Variants in GLRX observed in about 807,000 individuals in gnomAD.
GLRX encodes the protein glutaredoxin-1.
In GLRX, 9 loss-of-function variants were observed where a neutral mutation model predicts 11.1. That is an observed-to-expected ratio of 0.81 (90% CI 0.49 to 1.42). The LOEUF (loss-of-function observed/expected upper bound fraction) is 1.42, where lower values mean the gene tolerates loss of function less well. Ranked by LOEUF, GLRX falls within the 40% of genes most tolerant of loss-of-function variation. GLRX has a pLI of 0.00. For synonymous variants in GLRX, 49 were observed against 49.5 expected, an observed-to-expected ratio of 0.99 and a Z score of 0.04; for missense variants, 102 against 126.2, an observed-to-expected ratio of 0.81 and a Z score of 0.92.
chr5:95,820,364 A>C (rs1561467869), intron 1 of GLRX, among the ~76,000 whole-genome samples: 3 of 150,910 alleles, frequency 2.0e-5, no homozygotes, highest in Non-Finnish European at 3.0e-5. Context: ...AAAAAAAAAA[A>C]AAAAAAAAAA....
chr5:95,819,824 G>C (rs571417144), intron 1 of GLRX, among the ~76,000 whole-genome samples: 2 of 150,400 alleles, frequency 1.3e-5, no homozygotes, highest in Non-Finnish European at 3.0e-5. Context: ...GCGTGAACCC[G>C]GGAGGTGGAG....
chr5:95,815,523 C>G (rs1347231281), intron 2 of GLRX, among the ~76,000 whole-genome samples: 1 of 152,224 alleles, frequency 6.6e-6, no homozygotes, highest in Non-Finnish European at 1.5e-5. Context: ...ATAGATACCC[C>G]TCCAAGAACA....
chr5:95,814,430 A>AT (rs1746908096), intron 2 of GLRX, 41 bp from the exon 3 acceptor site: 1 of 152,688 alleles, frequency 6.5e-6, no homozygotes, highest in Admixed American at 6.5e-5. Flanking sequence ...CAGAGCAGTG[A>AT]TTTTCAAGGT....
chr5:95,822,352 C>T, intron 1 of GLRX, 104 bp downstream of exon 1: 1 of 849,850 alleles, frequency 1.2e-6, no homozygotes, highest in Non-Finnish European at 2.0e-6. Flanking sequence ...GCCCTCTGGA[C>T]GCCTTGAAGT....
intron 2 of GLRX, chr5:95,814,713 G>C (rs1444808389): frequency 6.6e-6 from 1 of 152,340 alleles, no homozygotes; most frequent in African/African-American, 2.4e-5. Context: ...TTGAGGGTCA[G>C]TGAGCGAATC....
chr5:95,820,284 G>C (rs1418258376), intron 1 of GLRX, among the ~76,000 whole-genome samples: 1 of 147,818 alleles, frequency 6.8e-6, no homozygotes, highest in African/African-American at 2.5e-5. Flanking sequence ...CCAGGAGTTC[G>C]AGGCTGCAGT....
intron 1 of GLRX, chr5:95,819,487 A>G (rs905827754): frequency 6.6e-6 from 1 of 152,226 alleles, no homozygotes; most frequent in Non-Finnish European, 1.5e-5. Context: ...AGGAGCTGTG[A>G]CTATAGCAAA....
chr5:95,819,981 G>A (rs879327907), intron 1 of GLRX, among the ~76,000 whole-genome samples: 6 of 149,518 alleles, frequency 4.0e-5, no homozygotes, highest in Non-Finnish European at 8.9e-5. Context: ...GATCAAACAT[G>A]CAGCTTTAAA....
At chr5:95,819,660 G>T (rs184742020) in intron 1 of GLRX, among the ~76,000 whole-genome samples, 1 of 152,188 alleles carries the variant, frequency 6.6e-6, no homozygotes, top group African/African-American at 2.4e-5. Context: ...AGCACTTTGG[G>T]AGGCTGAGGC....
At chr5:95,816,652 T>C in intron 1 of GLRX, 26 bp from the exon 2 acceptor site, 1 of 1,009,680 alleles carries the variant, frequency 9.9e-7, no homozygotes, top group Non-Finnish European at 1.6e-6. Flanking sequence ...ACCCAGGACA[T>C]TACTACATTA....
chr5:95,818,635 C>T (rs1747096876), intron 1 of GLRX: 2 of 152,382 alleles, frequency 1.3e-5, no homozygotes, highest in South Asian at 4.1e-4. Flanking sequence ...CTTCATCTGT[C>T]ACCTGAATAA....
chr5:95,822,437 C>A lies in GLRX; in HGVS notation c.207+19G>T. 2 of 1,590,028 alleles carry A rather than the reference C, an allele frequency of 1.3e-6. No individual in the cohort carries two copies. The highest frequency in any genetic ancestry group is 4.5e-5 in the East Asian group (2 of 44,780). The stretch of plus-strand genomic sequence containing the variant: ...GGCAATCCGGGAGCCTTTCCCTAGC[C>A]GTTTAAAATGAAACTCACCGTTCTT... On this transcript the variant is annotated intron_variant, in intron 1 of 2. Coordinates refer to ENST00000237858, the MANE Select transcript of GLRX (RefSeq NM_001118890.2).
rs1457877938 is a variant in GLRX, at chr5:95,814,240, A to G, written c.*156T>C. On this transcript the variant is annotated 3_prime_UTR_variant, in exon 3 of 3. Coordinates refer to ENST00000237858, the MANE Select transcript of GLRX (RefSeq NM_001118890.2). The stretch of plus-strand genomic sequence containing the variant: ...AGTGTTCAGGATTATCTGGATAGCC[A>G]TCTTAAATAACAGAGTGTTCCGCAT... 6.5e-6 allele frequency: 1 copy of G among 152,688 alleles called. No individual in the cohort carries two copies. Among genetic ancestry groups the G allele is most frequent in the African/African-American group, 2.4e-5 (1 of 41,472 alleles). The allele number at this position is 152,688 out of a possible 1,614,324, so 9.5% of individuals were successfully genotyped here.
intron 1 of GLRX, chr5:95,818,604 TACCTCCC>T (rs1331087439): frequency 6.6e-6 from 1 of 152,338 alleles, no homozygotes; most frequent in African/African-American, 2.4e-5. Flanking sequence ...ACTCCTCGGC[TACCTCCC>T]TGGTATAAGC....
intron 2 of GLRX, among the ~76,000 whole-genome samples, chr5:95,815,450 T>G (rs1026325281): frequency 7.2e-5 from 11 of 152,256 alleles, no homozygotes; most frequent in Non-Finnish European, 1.0e-4. Context: ...GTTGCTATGC[T>G]GAGTAACCAT....
Position 95,814,299 on chromosome 5 carries a change from T to C in GLRX, c.*97A>G, listed in dbSNP as rs991726188. 2.0e-5 allele frequency: 3 copies of C among 152,694 alleles called. No individual in the cohort carries two copies. Among genetic ancestry groups the C allele is most frequent in the Admixed American group, 6.5e-5 (1 of 15,284 alleles). 9.5% of individuals were successfully genotyped at this position (152,694 alleles called of 1,614,324 possible). ...CCTCTGCACTTGTGCCTCTGATCCATATGACACCAAGACCAACTATGCTTT... is the reference window on the plus strand; with the variant it reads ...CCTCTGCACTTGTGCCTCTGATCCACATGACACCAAGACCAACTATGCTTT... On this transcript the variant is annotated 3_prime_UTR_variant, in exon 3 of 3. Coordinates refer to ENST00000237858, the MANE Select transcript of GLRX (RefSeq NM_001118890.2).
At chr5:95,816,286 A>G (rs1675266119) in intron 2 of GLRX, 1 of 493,890 alleles carries the variant, frequency 2.0e-6, no homozygotes, top group African/African-American at 1.9e-5. Context: ...CACATGCTTA[A>G]TAAATATTTC....
intron 1 of GLRX, 73 bp downstream of exon 1, chr5:95,822,383 T>A: frequency 1.9e-6 from 2 of 1,060,144 alleles, no homozygotes; most frequent in Non-Finnish European, 2.8e-6. Context: ...AGCCTTATCC[T>A]AAAGAAAGGC....
intron 1 of GLRX, among the ~76,000 whole-genome samples, chr5:95,821,336 C>T (rs1747228218): frequency 6.6e-6 from 1 of 152,128 alleles, no homozygotes; most frequent in Admixed American, 6.6e-5. Context: ...GCATCCTATG[C>T]AGCTGGTGGT....
Sources: gnomAD v4.1 joint callset for allele counts (sites outside exome capture counted in the v4.1 genomes callset) on GRCh38, gnomAD v4.1.1 for gene constraint, MANE v1.5 for transcripts, NCBI Gene and HGNC (gene_info 2026-07-23, HGNC 2026-07-21) for gene names.